Variants in SNRPA1 observed in about 807,000 individuals in gnomAD.
The protein encoded by SNRPA1 is small nuclear ribonucleoprotein polypeptide A'.
A neutral mutation model predicts 32.3 loss-of-function variants in SNRPA1; 5 were observed. That is an observed-to-expected ratio of 0.15 (90% CI 0.08 to 0.33). SNRPA1 has a LOEUF of 0.33. SNRPA1 is among the 10% of genes least tolerant of loss of function. The pLI is 1.00. For synonymous variants in SNRPA1, 111 were observed against 120.1 expected, an observed-to-expected ratio of 0.92 and a Z score of 0.50; for missense variants, 198 against 311.1, an observed-to-expected ratio of 0.64 and a Z score of 2.74.
At chr15:101,292,861 C>A in intron 2 of SNRPA1, 164 bp downstream of exon 2, 1 of 436,506 alleles carries the variant, frequency 2.3e-6, no homozygotes. Flanking sequence ...TTGAATGTGG[C>A]TTCCATTATG....
At position 101,281,530 on chromosome 15, in the gene SNRPA1, G is replaced by A. The variant is rs541781195; in HGVS notation, c.*194C>T. On this transcript the variant is annotated 3_prime_UTR_variant, in exon 9 of 9. Transcript: ENST00000254193. Reference sequence around the variant, plus strand: ...ACAACTTGGTAGCATAGTGAGTGGAGTTTATTTTTATAATTTGTAGAAAAT... The same window carrying A: ...ACAACTTGGTAGCATAGTGAGTGGAATTTATTTTTATAATTTGTAGAAAAT... 2 of 564,194 alleles carry A rather than the reference G, an allele frequency of 3.5e-6. No homozygotes were observed. The highest frequency in any genetic ancestry group is 3.8e-5 in the African/African-American group (2 of 52,600). 34.9% of individuals were successfully genotyped at this position (564,194 alleles called of 1,614,324 possible).
chr15:101,293,964 T>C (rs931166716), intron 1 of SNRPA1, among the ~76,000 whole-genome samples: 1 of 152,222 alleles, frequency 6.6e-6, no homozygotes, highest in South Asian at 2.1e-4. Context: ...CCGGGCGCAG[T>C]GGCTCAAGCC....
At position 101,285,733 on chromosome 15, in the gene SNRPA1, G is replaced by A. The variant is rs1418348854; in HGVS notation, c.608C>T (p.Ala203Val). ...ATCCTAACACATGATTACCTTGATT[G>A]CTTCTACATCCCCTGGAGATGGCCC... ...KGGPSPGDVE[A>V]IKNAIANAST... Residue 203 changes from alanine to valine, a missense_variant, in exon 7 of 9, where the codon GCA (alanine) becomes GTA (valine). Ala to Val is a moderately conservative substitution (Grantham distance 64). Coordinates refer to ENST00000254193, the MANE Select transcript of SNRPA1 (RefSeq NM_003090.4). 1 of 1,611,284 alleles carries A rather than the reference G, an allele frequency of 6.2e-7. No homozygotes were observed. Among genetic ancestry groups the A allele is most frequent in the Middle Eastern group, 1.6e-4 (1 of 6,070 alleles).
intron 1 of SNRPA1, chr15:101,294,781 C>T (rs2039568760): frequency 5.8e-6 from 2 of 346,014 alleles, no homozygotes; most frequent in Admixed American, 9.6e-5. Context: ...AGCCGCTCTT[C>T]CGGGCCCTCA....
At chr15:101,284,922 G>T in intron 8 of SNRPA1, 45 bp downstream of exon 8, 1 of 1,419,720 alleles carries the variant, frequency 7.0e-7, no homozygotes, top group Non-Finnish European at 1.0e-6. Context: ...GTTACACTCT[G>T]AGTGTAACAT....
chr15:101,288,615 A>C (rs745514761), intron 3 of SNRPA1, among the ~76,000 whole-genome samples: 1 of 152,222 alleles, frequency 6.6e-6, no homozygotes, highest in Non-Finnish European at 1.5e-5. Context: ...TAGCAAAAAA[A>C]CAAAAACCTA....
chr15:101,287,027 G>A lies in SNRPA1; in HGVS notation c.357-17C>T, dbSNP rs1226481172. ...CTTAGGATACTACAAGAAAAGGAAT[G>A]ACACAATGGCAAACTTGTTCATGGC... On this transcript the variant is annotated splice_polypyrimidine_tract_variant and intron_variant, in intron 4 of 8. Coordinates refer to ENST00000254193, the MANE Select transcript of SNRPA1 (RefSeq NM_003090.4). 3 of 1,396,948 alleles carry A rather than the reference G, an allele frequency of 2.1e-6. No individual in the cohort carries two copies. Among genetic ancestry groups the A allele is most frequent in the Non-Finnish European group, 1.0e-6 (1 of 985,220 alleles). The allele number at this position is 1,396,948 out of a possible 1,614,324, so 86.5% of individuals were successfully genotyped here.
intron 3 of SNRPA1, among the ~76,000 whole-genome samples, chr15:101,289,412 C>T (rs1407082642): frequency 6.6e-6 from 1 of 151,872 alleles, no homozygotes; most frequent in African/African-American, 2.4e-5. Flanking sequence ...GATGCTAACT[C>T]AAGATTGAAA....
intron 6 of SNRPA1, 54 bp downstream of exon 6, chr15:101,286,155 ACAGAT>A: frequency 7.0e-7 from 1 of 1,425,688 alleles, no homozygotes. Flanking sequence ...GAACTGCCAG[ACAGAT>A]CAGATCATGT....
intron 3 of SNRPA1, among the ~76,000 whole-genome samples, chr15:101,291,067 G>T (rs2039521334): frequency 6.6e-6 from 1 of 151,908 alleles, no homozygotes. Context: ...TATAGAGAGA[G>T]ACAAGGTCTC....
intron 8 of SNRPA1, among the ~76,000 whole-genome samples, chr15:101,282,613 T>C (rs1223550700): frequency 6.6e-6 from 1 of 152,262 alleles, no homozygotes; most frequent in Non-Finnish European, 1.5e-5. Flanking sequence ...TTGGTTTATC[T>C]TGTACTTTGA....
In SNRPA1 at chr15:101,281,785, A is replaced by G. The variant is rs2039398074; in HGVS notation, c.710-3T>C. On this transcript the variant is annotated splice_region_variant and splice_polypyrimidine_tract_variant and intron_variant, in intron 8 of 8. Coordinates refer to ENST00000254193, the MANE Select transcript of SNRPA1 (RefSeq NM_003090.4). ...TTCTTCACCATCATCAGTGGGCCCT[A>G]AAGAAAACCACCAAAGCAAAAGTAG... The G allele has an allele frequency of 1.2e-6, 2 of 1,613,822 alleles. No homozygotes were observed. Among genetic ancestry groups the G allele is most frequent in the East Asian group, 2.2e-5 (1 of 44,900 alleles).
At chr15:101,289,697 C>T in intron 3 of SNRPA1, 1 of 151,876 alleles carries the variant, frequency 6.6e-6, no homozygotes, top group Non-Finnish European at 1.5e-5. Flanking sequence ...TTTGGGAGGC[C>T]AAGGCGGGTG....
At chr15:101,295,042 A>G in intron 1 of SNRPA1, 55 bp downstream of exon 1, 1 of 1,229,774 alleles carries the variant, frequency 8.1e-7, no homozygotes, top group Non-Finnish European at 1.1e-6. Context: ...AAAGCGCGGA[A>G]AATAAGGCGG....
At chr15:101,287,194 T>A (rs28710251) in intron 4 of SNRPA1, among the ~76,000 whole-genome samples, 184 bp from the exon 5 acceptor site, 5,394 of 152,302 alleles carry the variant, frequency 0.035, 305 homozygotes, top group African/African-American at 0.12. Flanking sequence ...ACTTTTTTTT[T>A]AAATTATACT....
intron 8 of SNRPA1, chr15:101,284,686 GA>G (rs754025165): frequency 4.2e-5 from 11 of 262,662 alleles, no homozygotes; most frequent in Non-Finnish European, 8.6e-5. Flanking sequence ...ATTTTTAGTA[GA>G]GATGGGGTTT....
At chr15:101,288,039 T>A (rs557641594) in intron 3 of SNRPA1, 1 of 252,984 alleles carries the variant, frequency 4.0e-6, no homozygotes, top group Non-Finnish European at 7.9e-6. Flanking sequence ...CTATTCACAC[T>A]GGGAACTGCA....
At chr15:101,289,607 C>T (rs2039496610) in intron 3 of SNRPA1, among the ~76,000 whole-genome samples, 1 of 152,036 alleles carries the variant, frequency 6.6e-6, no homozygotes, top group East Asian at 1.9e-4. Context: ...AAATAATTCA[C>T]TTAAAAGAGC....
intron 8 of SNRPA1, among the ~76,000 whole-genome samples, chr15:101,284,273 G>T (rs1360938647): frequency 1.3e-5 from 2 of 152,246 alleles, no homozygotes; most frequent in Non-Finnish European, 2.9e-5. Context: ...AAGACTTGAA[G>T]AAACTTGTCC....
Sources: gnomAD v4.1 joint callset for allele counts (sites outside exome capture counted in the v4.1 genomes callset) on GRCh38, gnomAD v4.1.1 for gene constraint, MANE v1.5 for transcripts, NCBI Gene and HGNC (gene_info 2026-07-23, HGNC 2026-07-21) for gene names.